SAMD5: variants seen among roughly 807,000 people sequenced by gnomAD.
The protein encoded by SAMD5 is sterile alpha motif domain containing 5.
A neutral mutation model predicts 11.3 loss-of-function variants in SAMD5; 13 were observed. That is an observed-to-expected ratio of 1.15 (90% CI 0.75 to 1.83). The LOEUF (loss-of-function observed/expected upper bound fraction) is 1.83. Ranked by LOEUF, SAMD5 falls within the 40% of genes most tolerant of loss-of-function variation. The probability of loss-of-function intolerance (pLI) is 0.00; values close to 1 mark genes in which losing one functional copy is unlikely to be tolerated. For missense variants in SAMD5, 255 were observed against 239.1 expected, an observed-to-expected ratio of 1.07 and a Z score of -0.44; for synonymous variants, 129 against 111.3, an observed-to-expected ratio of 1.16 and a Z score of -1.00.
chr6:147,854,910 G>A, the SAMD5 span, among the ~76,000 whole-genome samples: 7 of 152,278 alleles, frequency 4.6e-5, no homozygotes, highest in Non-Finnish European at 8.8e-5. Flanking sequence ...AATGTACAGG[G>A]AGTGTACTAC....
chr6:147,600,684 A>C (rs1789601656), intron 1 of SAMD5, among the ~76,000 whole-genome samples: 1 of 152,198 alleles, frequency 6.6e-6, no homozygotes, highest in Non-Finnish European at 1.5e-5. Flanking sequence ...ACCCTTGATG[A>C]TTAAAAATGG....
At chr6:147,954,019 C>G in the SAMD5 span, 1 of 152,138 alleles carries the variant, frequency 6.6e-6, no homozygotes, top group Non-Finnish European at 1.5e-5. Context: ...AGATAAAACA[C>G]CAGCTTGTTA....
the SAMD5 span, among the ~76,000 whole-genome samples, chr6:147,920,385 C>A: frequency 2.6e-5 from 4 of 152,176 alleles, no homozygotes; most frequent in Non-Finnish European, 4.4e-5. Flanking sequence ...GCCAGGGGTT[C>A]TTGGACCTTT....
chr6:147,773,123 A>G, the SAMD5 span, among the ~76,000 whole-genome samples: 8 of 152,162 alleles, frequency 5.3e-5, no homozygotes, highest in Admixed American at 3.3e-4. Context: ...CTCCCCTCCT[A>G]TGAATTTTCA....
At chr6:147,913,780 T>G in the SAMD5 span, among the ~76,000 whole-genome samples, 1 of 152,250 alleles carries the variant, frequency 6.6e-6, no homozygotes, top group Non-Finnish European at 1.5e-5. Flanking sequence ...TGTATTTATG[T>G]GAACTATCTC....
At chr6:147,639,780 GA>G (rs1304500782) in intron 1 of SAMD5, among the ~76,000 whole-genome samples, 1 of 152,158 alleles carries the variant, frequency 6.6e-6, no homozygotes, top group Non-Finnish European at 1.5e-5. Flanking sequence ...TGATCAGTTT[GA>G]ACATCCATTC....
chr6:147,846,333 AT>A, the SAMD5 span, among the ~76,000 whole-genome samples: 1 of 152,306 alleles, frequency 6.6e-6, no homozygotes, highest in African/African-American at 2.4e-5. Context: ...ATTTAATTAA[AT>A]TGCATAGAAT....
chr6:147,629,557 G>A (rs570927775), intron 1 of SAMD5, among the ~76,000 whole-genome samples: 2 of 152,272 alleles, frequency 1.3e-5, no homozygotes, highest in African/African-American at 4.8e-5. Flanking sequence ...GATTTTAAAG[G>A]GAAAACTAGT....
intron 1 of SAMD5, among the ~76,000 whole-genome samples, chr6:147,684,873 T>C (rs1023605599): frequency 6.6e-6 from 1 of 152,156 alleles, no homozygotes; most frequent in African/African-American, 2.4e-5. Context: ...TTTAAAAAAA[T>C]AACTTCTCAT....
At chr6:147,897,064 AGAAAAT>A in the SAMD5 span, among the ~76,000 whole-genome samples, 3 of 152,184 alleles carry the variant, frequency 2.0e-5, no homozygotes, top group Non-Finnish European at 4.4e-5. Flanking sequence ...TGAGGTTAAA[AGAAAAT>A]GTTCTAAAAT....
chr6:147,671,655 C>G (rs1790796807), intron 1 of SAMD5, among the ~76,000 whole-genome samples: 1 of 152,116 alleles, frequency 6.6e-6, no homozygotes, highest in Non-Finnish European at 1.5e-5. Context: ...ATATCTTCAA[C>G]AAATTGAGCA....
At chr6:147,890,976 C>T in the SAMD5 span, among the ~76,000 whole-genome samples, 1 of 151,972 alleles carries the variant, frequency 6.6e-6, no homozygotes, top group African/African-American at 2.4e-5. Context: ...AAAAGAGCTA[C>T]TAAAAAAATG....
chr6:147,744,899 C>CAATAAATAAATTA, the SAMD5 span, among the ~76,000 whole-genome samples: 1 of 137,296 alleles, frequency 7.3e-6, no homozygotes, highest in Non-Finnish European at 1.5e-5. Context: ...CTCTGTCTCA[C>CAATAAATAAATTA]AATAAATAAA....
At chr6:147,655,948 T>C (rs1790558243) in intron 1 of SAMD5, among the ~76,000 whole-genome samples, 1 of 152,158 alleles carries the variant, frequency 6.6e-6, no homozygotes, top group Admixed American at 6.6e-5. Context: ...GTTATGGATA[T>C]CTATGGACCA....
chr6:147,949,411 A>C, the SAMD5 span, among the ~76,000 whole-genome samples: 1 of 152,240 alleles, frequency 6.6e-6, no homozygotes, highest in African/African-American at 2.4e-5. Flanking sequence ...ATTTCACTAT[A>C]TTCAGGTAAG....
intron 1 of SAMD5, among the ~76,000 whole-genome samples, chr6:147,713,434 T>C (rs1446525214): frequency 6.6e-6 from 1 of 152,056 alleles, no homozygotes; most frequent in Non-Finnish European, 1.5e-5. Context: ...ATAACCTGGG[T>C]TGTTCTGGAT....
At chr6:147,558,516 A>G (rs1043495186) in intron 1 of SAMD5, among the ~76,000 whole-genome samples, 2 of 152,172 alleles carry the variant, frequency 1.3e-5, no homozygotes, top group African/African-American at 4.8e-5. Flanking sequence ...GTGATTCCAG[A>G]CAATCCAATC....
chr6:147,843,870 G>A, the SAMD5 span, among the ~76,000 whole-genome samples: 1 of 152,142 alleles, frequency 6.6e-6, no homozygotes, highest in Admixed American at 6.5e-5. Flanking sequence ...TTAGATGTAA[G>A]ACATGAAACT....
the SAMD5 span, among the ~76,000 whole-genome samples, chr6:147,745,855 C>T: frequency 7.7e-4 from 117 of 151,452 alleles, no homozygotes; most frequent in African/African-American, 1.7e-3. Context: ...CAAGGCTTAC[C>T]GCAGCCTCCA....
Sources: allele counts gnomAD v4.1 joint callset (sites outside exome capture counted in the v4.1 genomes callset), GRCh38; gene constraint gnomAD v4.1.1; transcripts MANE v1.5; gene names NCBI Gene and HGNC (gene_info 2026-07-23, HGNC 2026-07-21).